LHPP: variants seen among roughly 807,000 people sequenced by gnomAD.
LHPP encodes phospholysine phosphohistidine inorganic pyrophosphate phosphatase.
A neutral mutation model predicts 30.3 loss-of-function variants in LHPP; 24 were observed. The ratio of observed to expected loss-of-function variants is 0.79; its 90% CI spans 0.57 to 1.11. The LOEUF is 1.11. Ranked by LOEUF, LHPP falls within the 50% of genes most tolerant of loss-of-function variation. The pLI is 0.00. For missense variants in LHPP, 356 were observed against 367.2 expected, an observed-to-expected ratio of 0.97 and a Z score of 0.25; for synonymous variants, 150 against 157.1, an observed-to-expected ratio of 0.95 and a Z score of 0.34.
In LHPP at chr10:124,590,308, T is replaced by G. The variant is rs552796332; in HGVS notation, c.717-22956T>G. Among the ~76,000 whole-genome samples the G allele has an allele frequency of 7.9e-5, 12 of 152,152 alleles. No individual in the cohort carries two copies. The highest frequency in any genetic ancestry group is 7.7e-4 in the East Asian group (4 of 5,174). ...CACTGCCAGGCTGCTCAGGAGTGGC[T>G]CCCACCCTCGACTGCGGGGAAGTGC... On this transcript the variant is annotated intron_variant, in intron 6 of 6. Coordinates refer to ENST00000368842, the MANE Select transcript of LHPP (RefSeq NM_022126.4). This position sits in a 1 kb window ranked among gnomAD's most constrained non-coding sequence, Gnocchi z 4.3.
At chr10:124,464,910 A>G (rs551603802) in intron 1 of LHPP, among the ~76,000 whole-genome samples, 1 of 152,332 alleles carries the variant, frequency 6.6e-6, no homozygotes, top group South Asian at 2.1e-4. Flanking sequence ...TTAAATAGCA[A>G]AAGACTGGAA....
At chr10:124,530,807 C>T (rs1043732535) in intron 6 of LHPP, among the ~76,000 whole-genome samples, 10 of 152,352 alleles carry the variant, frequency 6.6e-5, no homozygotes, top group African/African-American at 2.2e-4. Flanking sequence ...ATGGAGAACA[C>T]CACAGCGCAC....
In LHPP at chr10:124,510,113, G is replaced by A. The variant is rs538903770; in HGVS notation, c.625-7067G>A. On this transcript the variant is annotated intron_variant, in intron 5 of 6. Transcript: ENST00000368842. This position sits in a 1 kb window ranked among gnomAD's most constrained non-coding sequence, Gnocchi z 4.0. ...GGTCCGACCTTTCATTTTTTTCTCC[G>A]CCTCACACCCCACCATGTCGTGTCT... Among the ~76,000 whole-genome samples the A allele has an allele frequency of 6.4e-4, 98 of 152,020 alleles. 2 individuals carry two copies. The highest frequency in any genetic ancestry group is 6.4e-3 in the Admixed American group (97 of 15,258).
chr10:124,529,581 T>C (rs1218448395), intron 6 of LHPP, among the ~76,000 whole-genome samples: 1 of 151,622 alleles, frequency 6.6e-6, no homozygotes, highest in African/African-American at 2.4e-5. Context: ...TGCAGAGGAG[T>C]GCTCTACACT....
At chr10:124,531,857 T>C (rs765042737) in intron 6 of LHPP, among the ~76,000 whole-genome samples, 2 of 152,240 alleles carry the variant, frequency 1.3e-5, no homozygotes, top group Non-Finnish European at 2.9e-5. Flanking sequence ...CCAGTTTTAG[T>C]GTCCCTTAGT....
Position 124,560,592 on chromosome 10 carries a change from A to T in LHPP, c.716+43321A>T, listed in dbSNP as rs565977891. Among the ~76,000 whole-genome samples, 3 of 152,360 alleles carry T rather than the reference A, an allele frequency of 2.0e-5. No individual in the cohort carries two copies. The East Asian group carries it at 5.8e-4, about 29-fold the overall frequency. ...AGTACAGCAGAATTAGCCATGACTC[A>T]GAGTGGGTCTCCGTGGTGATTCTGC... On this transcript the variant is annotated intron_variant, in intron 6 of 6. Transcript: ENST00000368842.
chr10:124,465,950 T>G (rs1952541783), intron 1 of LHPP, among the ~76,000 whole-genome samples: 1 of 152,210 alleles, frequency 6.6e-6, no homozygotes, highest in African/African-American at 2.4e-5. Flanking sequence ...GAGAACACTT[T>G]CTCTGTGAGA....
intron 6 of LHPP, among the ~76,000 whole-genome samples, chr10:124,540,025 G>T (rs776119134): frequency 1.6e-4 from 25 of 152,190 alleles, no homozygotes; most frequent in Admixed American, 1.5e-3. Context: ...GCAGTTACCC[G>T]CTTCTGCTCA....
chr10:124,501,533 T>G, intron 5 of LHPP, among the ~76,000 whole-genome samples: 1 of 136,996 alleles, frequency 7.3e-6, no homozygotes, highest in Non-Finnish European at 1.5e-5. Context: ...ACCCAGGAGG[T>G]GGAGATTGCA....
intron 1 of LHPP, among the ~76,000 whole-genome samples, chr10:124,477,262 G>C (rs1952978952): frequency 6.6e-6 from 1 of 152,200 alleles, no homozygotes; most frequent in African/African-American, 2.4e-5. Context: ...TGCTGCACCT[G>C]CATCTCTTTT....
intron 6 of LHPP, among the ~76,000 whole-genome samples, chr10:124,545,695 C>T (rs572027811): frequency 3.3e-5 from 5 of 152,212 alleles, no homozygotes; most frequent in East Asian, 1.9e-4. Context: ...TGTGTGTGCA[C>T]GCTTGCAGGA....
intron 6 of LHPP, among the ~76,000 whole-genome samples, chr10:124,533,054 C>G (rs2133933887): frequency 6.6e-6 from 1 of 152,312 alleles, no homozygotes; most frequent in South Asian, 2.1e-4. Context: ...TCCTCAGCAC[C>G]TTTATTACAG....
Position 124,502,541 on chromosome 10 carries a change from T to C in LHPP, c.624+4413T>C, listed in dbSNP as rs547289816. Among the ~76,000 whole-genome samples the C allele has an allele frequency of 3.8e-3, 572 of 151,618 alleles. 16 individuals carry two copies. Among genetic ancestry groups the C allele is most frequent in the African/African-American group, 0.013 (550 of 41,056 alleles). ...CACCATGCCTGAGTAATTTTTGTTT[T>C]TGTATTTTTAGTAGAGATGGGGCTT... is the stretch of plus-strand genomic sequence containing the variant. On this transcript the variant is annotated intron_variant, in intron 5 of 6. Coordinates refer to ENST00000368842, the MANE Select transcript of LHPP (RefSeq NM_022126.4).
At position 124,613,398 on chromosome 10, in the gene LHPP, CTCT is replaced by C; in HGVS notation, c.*39_*41del. 2 of 1,209,276 alleles carry C rather than the reference CTCT, an allele frequency of 1.7e-6. No homozygotes were observed. The highest frequency in any genetic ancestry group is 1.2e-5 in the South Asian group (1 of 84,902). The allele number at this position is 1,209,276 out of a possible 1,614,324, so 74.9% of individuals were successfully genotyped here. A position where few individuals can be genotyped will look rare whatever the true frequency, so the allele number is the denominator to read the frequency against. On this transcript the variant is annotated 3_prime_UTR_variant, in exon 7 of 7. Transcript: ENST00000368842. ...AGAGCCCCGCCTCCTCCACCCCTGC[CTCT>C]CCTCCACCCCTGCCTCCCCTCCACC...
At chr10:124,551,707 T>G (rs1358613027) in intron 6 of LHPP, among the ~76,000 whole-genome samples, 1 of 151,914 alleles carries the variant, frequency 6.6e-6, no homozygotes. Context: ...ACCCGCGGGC[T>G]TGGCCGGCCC....
In LHPP at chr10:124,497,119, G is replaced by A. The variant is rs546806669; in HGVS notation, c.531+95G>A. ...TGAGAAGAGGCTGTGCTTAATTAAC[G>A]TACAAATGGCCTTTTGGGCTTCCAC... is the stretch of plus-strand genomic sequence containing the variant. On this transcript the variant is annotated intron_variant, in intron 4 of 6. Transcript: ENST00000368842. 52 of 1,001,156 alleles carry A rather than the reference G, an allele frequency of 5.2e-5. 2 individuals are homozygous for A. The highest frequency in any genetic ancestry group is 4.3e-4 in the Middle Eastern group (2 of 4,634). The allele number at this position is 1,001,156 out of a possible 1,614,324, so 62.0% of individuals were successfully genotyped here. A position where few individuals can be genotyped will look rare whatever the true frequency, so the allele number is the denominator to read the frequency against.
chr10:124,555,518 G>A (rs1036493978), intron 6 of LHPP, among the ~76,000 whole-genome samples: 24 of 151,664 alleles, frequency 1.6e-4, no homozygotes, highest in Admixed American at 8.5e-4. Context: ...TGATCTCCCT[G>A]GACCCTCCCA....
intron 6 of LHPP, among the ~76,000 whole-genome samples, chr10:124,545,228 G>A (rs1955304332): frequency 6.6e-6 from 1 of 152,216 alleles, no homozygotes; most frequent in Non-Finnish European, 1.5e-5. Context: ...GGCCTCGGCT[G>A]AGTCCCTCGC....
chr10:124,461,871 G>T lies in LHPP; in HGVS notation c.9G>T (p.Pro3=), dbSNP rs774853808. 8.0e-7 allele frequency: 1 copy of T among 1,255,886 alleles called. No individual in the cohort carries two copies. The highest frequency in any genetic ancestry group is 3.8e-5 in the South Asian group (1 of 26,390). 77.8% of individuals were successfully genotyped at this position (1,255,886 alleles called of 1,614,324 possible). A position where few individuals can be genotyped will look rare whatever the true frequency, so the allele number is the denominator to read the frequency against. MA[P]WGKRLAGVRG... ...GAGCAGGGCCGGGCGCCATGGCACCGTGGGGCAAGCGGCTGGCTGGCGTGC... is the reference window on the plus strand; with the variant it reads ...GAGCAGGGCCGGGCGCCATGGCACCTTGGGGCAAGCGGCTGGCTGGCGTGC... Residue 3 remains proline (P), a synonymous_variant, in exon 1 of 7, where the codon CCG becomes CCT. Coordinates refer to ENST00000368842, the MANE Select transcript of LHPP (RefSeq NM_022126.4).
Sources: gnomAD v4.1 joint callset for allele counts (sites outside exome capture counted in the v4.1 genomes callset) on GRCh38, gnomAD v4.1.1 for gene constraint, Gnocchi (gnomAD v3.1) non-coding constraint, MANE v1.5 for transcripts, NCBI Gene and HGNC (gene_info 2026-07-23, HGNC 2026-07-21) for gene names.